DEPTOR: variants seen among roughly 807,000 people sequenced by gnomAD.
DEPTOR encodes DEP domain containing MTOR interacting protein, also known as DEP domain-containing mTOR-interacting protein.
Under a neutral mutation model 41.6 loss-of-function variants are expected in DEPTOR, and 41 were observed. The observed-to-expected ratio is 0.98, with a 90% confidence interval of 0.77 to 1.28. DEPTOR has a LOEUF of 1.28. DEPTOR is among the 50% of genes most tolerant of loss of function. DEPTOR has a pLI of 0.00. For synonymous variants in DEPTOR, 195 were observed against 192.3 expected (o/e 1.01, Z -0.12); for missense variants, 514 against 527.9 (o/e 0.97, Z 0.26).
intron 4 of DEPTOR, among the ~76,000 whole-genome samples, chr8:119,977,914 C>A (rs1264420226): frequency 6.6e-6 from 1 of 152,094 alleles, no homozygotes; most frequent in Non-Finnish European, 1.5e-5. Context: ...CCACCTCAGC[C>A]TCCCAAAGTT....
chr8:120,048,700 G>T (rs1813188541), intron 8 of DEPTOR, among the ~76,000 whole-genome samples: 1 of 152,068 alleles, frequency 6.6e-6, no homozygotes, highest in African/African-American at 2.4e-5. Flanking sequence ...GGTATTTTTT[G>T]AAAGGAAAGA....
chr8:120,027,095 G>A (rs1175624122), intron 8 of DEPTOR, among the ~76,000 whole-genome samples: 2 of 151,838 alleles, frequency 1.3e-5, no homozygotes, highest in Non-Finnish European at 2.9e-5. Flanking sequence ...ATGCATGCCT[G>A]TAATCCCAGC....
Position 120,030,497 on chromosome 8 carries a change from G to GTTTTTTTTTTTTTTTTTTTTTT in DEPTOR, c.1102-19072_1102-19051dup, listed in dbSNP as rs1171655489. Among the ~76,000 whole-genome samples, 56 of 46,214 alleles carry GTTTTTTTTTTTTTTTTTTTTTT rather than the reference G, an allele frequency of 1.2e-3. 9 individuals carry two copies. Among genetic ancestry groups the GTTTTTTTTTTTTTTTTTTTTTT allele is most frequent in the Non-Finnish European group, 1.4e-3 (38 of 26,952 alleles). 30.3% of individuals were successfully genotyped at this position (46,214 alleles called of 152,430 possible). On this transcript the variant is annotated intron_variant, in intron 8 of 8. Transcript: ENST00000286234. The stretch of plus-strand genomic sequence containing the variant: ...AATGATGTATTGTGTAGGTTCATCA[G>GTTTTTTTTTTTTTTTTTTTTTT]TTTTTTTTTTTTTTTTTTTTTTTTT...
At chr8:119,936,904 G>C (rs1032844675) in intron 3 of DEPTOR, among the ~76,000 whole-genome samples, 1 of 152,100 alleles carries the variant, frequency 6.6e-6, no homozygotes, top group Non-Finnish European at 1.5e-5. Context: ...GGCACCTGTA[G>C]TCCCAGCTAC....
At chr8:119,889,633 AGGGGAGGGGAGGGGAGGAT>A (rs1554670959) in intron 1 of DEPTOR, among the ~76,000 whole-genome samples, 1 of 17,156 alleles carries the variant, frequency 5.8e-5, no homozygotes, top group Admixed American at 1.2e-3. Context: ...AGGGAAGGGA[AGGGGAGGGGAGGGGAGGAT>A]GGGGAGGGGA....
At position 120,021,904 on chromosome 8, in the gene DEPTOR, G is replaced by A. The variant is rs533710655; in HGVS notation, c.1101+12771G>A. Among the ~76,000 whole-genome samples the A allele has an allele frequency of 7.9e-5, 12 of 151,986 alleles. No homozygotes were observed. In the South Asian group the frequency reaches 1.7e-3, roughly 21 times the overall value. On this transcript the variant is annotated intron_variant, in intron 8 of 8. Transcript: ENST00000286234. ...TCAAACCTTTAATTGCAACTCTTAC[G>A]GAAGCTGAGGTGGGAGGATCACCTG... is the stretch of plus-strand genomic sequence containing the variant.
intron 4 of DEPTOR, among the ~76,000 whole-genome samples, chr8:119,976,512 G>A (rs1828698214): frequency 6.6e-6 from 1 of 152,146 alleles, no homozygotes; most frequent in Admixed American, 6.5e-5. Flanking sequence ...TCTTTGAATA[G>A]AAGCAGCTCC....
rs146246011 is a variant in DEPTOR, at chr8:119,899,309, A to G, written c.122+25341A>G. On this transcript the variant is annotated intron_variant, in intron 1 of 8. Coordinates refer to ENST00000286234, the MANE Select transcript of DEPTOR (RefSeq NM_022783.4). ...CAGGAGTCTCTTTCGATATCTTTTA[A>G]TTCTTGTTCTTTGTCTCAGGATTTT... is the stretch of plus-strand genomic sequence containing the variant. 2.7e-3 allele frequency among the ~76,000 whole-genome samples: 412 copies of G among 152,290 alleles called. 2 individuals are homozygous for G. Among genetic ancestry groups the G allele is most frequent in the African/African-American group, 9.5e-3 (395 of 41,556 alleles).
intron 8 of DEPTOR, among the ~76,000 whole-genome samples, chr8:120,031,863 A>G (rs906809304): frequency 2.0e-5 from 3 of 151,990 alleles, no homozygotes; most frequent in Non-Finnish European, 2.9e-5. Flanking sequence ...CTGTGACTTG[A>G]GTTCTGGCTC....
At chr8:119,956,495 G>A (rs1219090486) in intron 3 of DEPTOR, among the ~76,000 whole-genome samples, 1 of 152,114 alleles carries the variant, frequency 6.6e-6, no homozygotes, top group Admixed American at 6.5e-5. Flanking sequence ...GGGCTGGCAG[G>A]TCATGTTTCT....
intron 3 of DEPTOR, among the ~76,000 whole-genome samples, chr8:119,950,362 T>G (rs1290261834): frequency 6.6e-6 from 1 of 152,248 alleles, no homozygotes; most frequent in African/African-American, 2.4e-5. Context: ...CAGTTCCTAC[T>G]GATCATTGTG....
intron 3 of DEPTOR, among the ~76,000 whole-genome samples, chr8:119,960,697 G>A (rs1828478769): frequency 6.6e-6 from 1 of 152,084 alleles, no homozygotes; most frequent in Admixed American, 6.5e-5. Flanking sequence ...TTATAGTCTT[G>A]AGAAAAACAA....
chr8:119,892,164 A>G (rs1183437073), intron 1 of DEPTOR, among the ~76,000 whole-genome samples: 1 of 152,020 alleles, frequency 6.6e-6, no homozygotes, highest in Non-Finnish European at 1.5e-5. Context: ...ACGCCCAGCT[A>G]ATTTTTGTAT....
chr8:120,022,226 T>C (rs1355847040), intron 8 of DEPTOR, among the ~76,000 whole-genome samples: 1 of 150,530 alleles, frequency 6.6e-6, no homozygotes, highest in Non-Finnish European at 1.5e-5. Flanking sequence ...TGCTAAAATG[T>C]GCATCTCAAA....
rs35885551 is a variant in DEPTOR, at chr8:119,974,235, TAAAAAAAAA to T, written c.604+8845_604+8853del. Among the ~76,000 whole-genome samples the T allele has an allele frequency of 7.9e-3, 593 of 74,940 alleles. 4 individuals are homozygous for T. The highest frequency in any genetic ancestry group is 0.026 in the South Asian group (42 of 1,598). 49.2% of individuals were successfully genotyped at this position (74,940 alleles called of 152,430 possible). A position where few individuals can be genotyped will look rare whatever the true frequency, so the allele number is the denominator to read the frequency against. On this transcript the variant is annotated intron_variant, in intron 4 of 8. Coordinates refer to ENST00000286234, the MANE Select transcript of DEPTOR (RefSeq NM_022783.4). Reference sequence around the variant, plus strand: ...GAAACATAGTGAGATCTTGTCTCTTTAAAAAAAAAAAAAAAAAAAAAAAAAAAAGAGAAA... The same window carrying T: ...GAAACATAGTGAGATCTTGTCTCTTTAAAAAAAAAAAAAAAAAAAGAGAAA...
chr8:120,038,811 G>A (rs1475009782), intron 8 of DEPTOR, among the ~76,000 whole-genome samples: 1 of 152,114 alleles, frequency 6.6e-6, no homozygotes, highest in East Asian at 1.9e-4. Context: ...CTAGCTCTGT[G>A]AACTTGGGCC....
At chr8:119,882,815 A>G (rs139668614) in intron 1 of DEPTOR, among the ~76,000 whole-genome samples, 2,822 of 152,230 alleles carry the variant, frequency 0.019, 87 homozygotes, top group African/African-American at 0.063. Flanking sequence ...TGACAAAGGA[A>G]AGAACAATCG....
chr8:119,982,352 T>G (rs1367190750), intron 4 of DEPTOR, among the ~76,000 whole-genome samples: 1 of 152,166 alleles, frequency 6.6e-6, no homozygotes, highest in Admixed American at 6.5e-5. Flanking sequence ...GCTTCGTGGC[T>G]TCTGAGTCAA....
At chr8:119,984,978 A>G (rs1181246613) in intron 4 of DEPTOR, among the ~76,000 whole-genome samples, 1 of 152,126 alleles carries the variant, frequency 6.6e-6, no homozygotes, top group Non-Finnish European at 1.5e-5. Context: ...TGAGGTCAGG[A>G]GTTTGAGACC....
Sources: gnomAD v4.1 joint callset for allele counts (sites outside exome capture counted in the v4.1 genomes callset) on GRCh38, gnomAD v4.1.1 for gene constraint, MANE v1.5 for transcripts, NCBI Gene and HGNC (gene_info 2026-07-23, HGNC 2026-07-21) for gene names.